The following GPHN variants were observed in gnomAD, a reference collection of about 807,000 sequenced individuals.
GPHN encodes gephyrin.
A neutral mutation model predicts 95.5 loss-of-function variants in GPHN; 17 were observed. The ratio of observed to expected loss-of-function variants is 0.18; its 90% CI spans 0.12 to 0.27. The LOEUF (loss-of-function observed/expected upper bound fraction) is 0.27, where lower values mean the gene tolerates loss of function less well. Among genes scored for constraint, GPHN ranks in the 10% least tolerant of loss-of-function variants. The pLI is 1.00. For synonymous variants in GPHN, 320 were observed against 322.5 expected (o/e 0.99, Z 0.08); for missense variants, 660 against 978.1 (o/e 0.67, Z 4.34).
the GPHN span, among the ~76,000 whole-genome samples, chr14:67,667,298 T>G: frequency 4.6e-5 from 7 of 152,198 alleles, no homozygotes; most frequent in Non-Finnish European, 8.8e-5. Context: ...AACTTCAGTT[T>G]CACCAGCTCA....
At chr14:66,763,222 CTTTT>C (rs34959102) in intron 2 of GPHN, among the ~76,000 whole-genome samples, 44,854 of 144,262 alleles carry the variant, frequency 0.31, 10,077 homozygotes, top group African/African-American at 0.61. Flanking sequence ...TTTTTTTAAT[CTTTT>C]TTTTTTTTTC....
the GPHN span, among the ~76,000 whole-genome samples, chr14:67,206,357 G>A: frequency 6.6e-6 from 1 of 151,936 alleles, no homozygotes; most frequent in South Asian, 2.1e-4. Flanking sequence ...ATTAGCCGGT[G>A]TGGTAGTGGG....
chr14:67,657,937 CAG>C, the GPHN span, among the ~76,000 whole-genome samples: 3 of 151,802 alleles, frequency 2.0e-5, no homozygotes, highest in African/African-American at 4.8e-5. Flanking sequence ...TTAGTAGAGA[CAG>C]GGTTTCACCA....
chr14:67,583,362 GC>G, the GPHN span, among the ~76,000 whole-genome samples: 1 of 152,084 alleles, frequency 6.6e-6, no homozygotes, highest in African/African-American at 2.4e-5. Flanking sequence ...AACTCCAAAG[GC>G]CACATTTGGA....
intron 21 of GPHN, among the ~76,000 whole-genome samples, chr14:67,173,029 G>T (rs183139630): frequency 6.6e-6 from 1 of 152,150 alleles, no homozygotes; most frequent in Non-Finnish European, 1.5e-5. Context: ...TGCCCTGCCC[G>T]CCAGGGGCAG....
At chr14:66,797,509 A>G (rs2153474859) in intron 3 of GPHN, among the ~76,000 whole-genome samples, 1 of 151,912 alleles carries the variant, frequency 6.6e-6, no homozygotes, top group East Asian at 1.9e-4. Context: ...TTATTAGTGT[A>G]TCATAGTTTT....
intron 9 of GPHN, 95 bp downstream of exon 9, chr14:66,965,420 A>G (rs1470129171): frequency 3.6e-6 from 4 of 1,112,986 alleles, no homozygotes; most frequent in Non-Finnish European, 4.1e-6. Context: ...GTTGGATTGC[A>G]TGCAAGATTA....
the GPHN span, among the ~76,000 whole-genome samples, chr14:67,221,020 G>A: frequency 1.3e-5 from 2 of 152,256 alleles, no homozygotes; most frequent in South Asian, 4.1e-4. Flanking sequence ...AATGTGTCAA[G>A]AAATAAGAAT....
intron 11 of GPHN, among the ~76,000 whole-genome samples, chr14:67,086,382 T>TG: frequency 6.6e-6 from 1 of 152,314 alleles, no homozygotes; most frequent in East Asian, 1.9e-4. Flanking sequence ...TCGGGCGCGG[T>TG]GGCTCACGCC....
intron 2 of GPHN, among the ~76,000 whole-genome samples, chr14:66,775,350 C>T (rs117802863): frequency 0.019 from 2,919 of 152,102 alleles, 38 homozygotes; most frequent in Middle Eastern, 0.034. Flanking sequence ...AGAACAAAGG[C>T]AGTTAGGTAA....
At chr14:66,998,642 ACAT>A (rs766054417) in intron 9 of GPHN, among the ~76,000 whole-genome samples, 1 of 151,980 alleles carries the variant, frequency 6.6e-6, no homozygotes, top group Non-Finnish European at 1.5e-5. Context: ...CCTTACATTT[ACAT>A]CATCATCTTC....
chr14:67,171,380 AAAAAAG>A (rs925074808), intron 21 of GPHN, among the ~76,000 whole-genome samples: 10 of 149,990 alleles, frequency 6.7e-5, no homozygotes, highest in East Asian at 1.9e-4. Flanking sequence ...TAAAGAAAAA[AAAAAAG>A]AAAAAGAAAA....
chr14:67,527,862 AC>A, the GPHN span, among the ~76,000 whole-genome samples: 1 of 152,042 alleles, frequency 6.6e-6, no homozygotes, highest in African/African-American at 2.4e-5. Flanking sequence ...TGCATGTAGG[AC>A]CCCACCCCAG....
At chr14:67,535,655 C>G in the GPHN span, among the ~76,000 whole-genome samples, 1 of 152,128 alleles carries the variant, frequency 6.6e-6, no homozygotes, top group Admixed American at 6.5e-5. Context: ...GCTGGGATTA[C>G]AGGCTTGAGC....
chr14:67,592,836 A>T, the GPHN span: 2 of 660,180 alleles, frequency 3.0e-6, no homozygotes, highest in Non-Finnish European at 5.3e-6. Context: ...CCCAAGCTGC[A>T]GTGCAGTGGC....
chr14:67,464,267 G>C, the GPHN span, among the ~76,000 whole-genome samples: 4 of 152,142 alleles, frequency 2.6e-5, no homozygotes, highest in Non-Finnish European at 5.9e-5. Context: ...GAACAGGATG[G>C]AGGCTAAGGG....
intron 19 of GPHN, among the ~76,000 whole-genome samples, chr14:67,164,957 G>C (rs528229597): frequency 6.6e-6 from 1 of 151,788 alleles, no homozygotes; most frequent in South Asian, 2.1e-4. Context: ...AAACCAGAAA[G>C]TGTGGTTACT....
chr14:66,606,152 C>T (rs2062522902), intron 1 of GPHN, among the ~76,000 whole-genome samples: 1 of 152,092 alleles, frequency 6.6e-6, no homozygotes, highest in African/African-American at 2.4e-5. Context: ...TTTAATCCAT[C>T]TTGGGTTAAT....
the GPHN span, chr14:67,684,927 T>C: frequency 9.6e-7 from 1 of 1,037,388 alleles, no homozygotes; most frequent in African/African-American, 1.6e-5. Context: ...TGAGACAATG[T>C]ACTTTTAAAA....
Sources: gnomAD v4.1 joint callset for allele counts (sites outside exome capture counted in the v4.1 genomes callset) on GRCh38, gnomAD v4.1.1 for gene constraint, MANE v1.5 for transcripts, NCBI Gene and HGNC (gene_info 2026-07-23, HGNC 2026-07-21) for gene names.